The following ZNF302 variants were observed in gnomAD, a reference collection of about 807,000 sequenced individuals.
The protein encoded by ZNF302 is zinc finger protein 327.
A neutral mutation model predicts 10.8 loss-of-function variants in ZNF302; 12 were observed. The ratio of observed to expected loss-of-function variants is 1.11; its 90% CI spans 0.71 to 1.79. ZNF302 has a LOEUF of 1.79. Ranked by LOEUF, ZNF302 falls within the 40% of genes most tolerant of loss-of-function variation. The probability of loss-of-function intolerance (pLI) is 0.00; values close to 1 mark genes in which losing one functional copy is unlikely to be tolerated. For missense variants in ZNF302, 461 were observed against 471.1 expected (o/e 0.98, Z 0.20); for synonymous variants, 178 against 157.5 (o/e 1.13, Z -0.98).
At position 34,684,639 on chromosome 19, in the gene ZNF302, A is replaced by G. The variant is rs768072114; in HGVS notation, c.602A>G (p.Tyr201Cys). Residue 201 changes from tyrosine (Y) to cysteine (C), a missense_variant, in exon 5 of 5, where the codon TAT becomes TGT. Coordinates refer to ENST00000505242, the MANE Select transcript of ZNF302 (RefSeq NM_001289187.2). ...CAGACTTGTAATAGAGAGAAAATCT[A>G]TACATGCAGTGAATGTGGGAAAGCC... ...LPQTCNREKI[Y>C]TCSECGKAFG... The G allele has an allele frequency of 1.2e-6, 2 of 1,614,132 alleles. No homozygotes were observed. Among genetic ancestry groups the G allele is most frequent in the Non-Finnish European group, 1.7e-6 (2 of 1,179,946 alleles).
At position 34,684,357 on chromosome 19, in the gene ZNF302, A is replaced by G; in HGVS notation, c.320A>G (p.Tyr107Cys). 6.2e-7 allele frequency: 1 copy of G among 1,602,174 alleles called. No individual in the cohort carries two copies. The highest frequency in any genetic ancestry group is 8.5e-7 in the Non-Finnish European group (1 of 1,176,240). The change falls in exon 5 of 5, where the codon TAT becomes TGT. Residue 107 changes from tyrosine (Y) to cysteine (C), a missense_variant. Tyr to Cys is a radical substitution (Grantham distance 194, BLOSUM62 -2). Coordinates refer to ENST00000505242, the MANE Select transcript of ZNF302 (RefSeq NM_001289187.2). Reference protein sequence around the residue: ...VTMEKVVKQSYEFSNSNKNLE... With the variant: ...VTMEKVVKQSCEFSNSNKNLE... Reference sequence around the variant, plus strand: ...ATGGAAAAAGTTGTAAAACAAAGTTATGAATTTTCAAATTCTAATAAGAAT... The same window carrying G: ...ATGGAAAAAGTTGTAAAACAAAGTTGTGAATTTTCAAATTCTAATAAGAAT...
chr19:34,678,725 C>T lies in ZNF302; in HGVS notation c.-68-12C>T. The T allele has an allele frequency of 6.4e-7, 1 of 1,556,790 alleles. No homozygotes were observed. The highest frequency in any genetic ancestry group is 8.8e-7 in the Non-Finnish European group (1 of 1,133,174). ...TTCATGACTGCTTTTTCCTGCCTTT[C>T]TGTGCCCTCAGGACACTGCCCATCT... On this transcript the variant is annotated splice_polypyrimidine_tract_variant and intron_variant, in intron 1 of 4. Coordinates refer to ENST00000505242, the MANE Select transcript of ZNF302 (RefSeq NM_001289187.2).
chr19:34,678,862 T>C, intron 2 of ZNF302, 49 bp downstream of exon 2: 1 of 1,611,220 alleles, frequency 6.2e-7, no homozygotes, highest in Non-Finnish European at 8.5e-7. Flanking sequence ...ATTAGGCCTC[T>C]GTGTGTTTGC....
intron 3 of ZNF302, 75 bp downstream of exon 3, chr19:34,682,972 A>G (rs1196101884): frequency 5.6e-6 from 9 of 1,594,400 alleles, no homozygotes; most frequent in Admixed American, 1.8e-5. Flanking sequence ...AGATTCTCCT[A>G]AGTAAATGGC....
At position 34,678,821 on chromosome 19, in the gene ZNF302, G is replaced by A; in HGVS notation, c.9+8G>A. ...TGCAGAATAATGTCTCAGGTAAGTC[G>A]GTGTGTCCCCAAATCTTCCTGAAAC... On this transcript the variant is annotated splice_region_variant and intron_variant, in intron 2 of 4. Coordinates refer to ENST00000505242, the MANE Select transcript of ZNF302 (RefSeq NM_001289187.2). 1 of 1,613,788 alleles carries A rather than the reference G, an allele frequency of 6.2e-7. No individual in the cohort carries two copies. The highest frequency in any genetic ancestry group is 1.1e-5 in the South Asian group (1 of 91,078).
Position 34,685,190 on chromosome 19 carries a change from G to A in ZNF302, c.1153G>A (p.Val385Ile). The change falls in exon 5 of 5, where the codon GTT becomes ATT. Residue 385 changes from valine (V) to isoleucine (I), a missense_variant. Transcript: ENST00000505242. Reference sequence around the variant, plus strand: ...GGTCTTTAGTAGCTTCTCATTTCTTGTTCAACATCAGAGTATTCATACTGA... The same window carrying A: ...GGTCTTTAGTAGCTTCTCATTTCTTATTCAACATCAGAGTATTCATACTGA... ...LKVFSSFSFL[V>I]QHQSIHTEEK... The A allele has an allele frequency of 6.2e-7, 1 of 1,605,888 alleles. No homozygotes were observed.
chr19:34,683,422 A>G (rs1292922990), intron 4 of ZNF302, among the ~76,000 whole-genome samples, 184 bp downstream of exon 4: 7 of 152,246 alleles, frequency 4.6e-5, no homozygotes, highest in Non-Finnish European at 1.0e-4. Context: ...TATTATCTGT[A>G]TCACTCATGT....
intron 2 of ZNF302, among the ~76,000 whole-genome samples, chr19:34,681,082 C>A (rs2068317819): frequency 6.6e-6 from 1 of 152,096 alleles, no homozygotes; most frequent in African/African-American, 2.4e-5. Context: ...AAAGTAAATT[C>A]TGCCTTTAAA....
Position 34,683,190 on chromosome 19 carries a change from T to C in ZNF302, c.166T>C (p.Leu56=), listed in dbSNP as rs779789355. The change falls in exon 4 of 5, where the codon TTG becomes CTG. Residue 56 remains leucine, a synonymous_variant. Transcript: ENST00000505242. ...AACTAAGCCATATGTGATCATGTTA[T>C]TGGAGGATGGAAAAGAGCCCTGGAT... is the stretch of plus-strand genomic sequence containing the variant. ...SVTKPYVIML[L]EDGKEPWMME... The C allele has an allele frequency of 4.3e-6, 7 of 1,614,124 alleles. No individual in the cohort carries two copies. The highest frequency in any genetic ancestry group is 2.2e-5 in the South Asian group (2 of 91,076).
Position 34,684,971 on chromosome 19 carries a change from C to T in ZNF302, c.934C>T (p.Arg312Cys), listed in dbSNP as rs1265962129. 1.8e-5 allele frequency: 29 copies of T among 1,613,894 alleles called. No individual in the cohort carries two copies. The East Asian group carries it at 3.1e-4, about 17-fold the overall frequency. ...QHLRIHTQEK[R>C]YECRICGKAF... The stretch of plus-strand genomic sequence containing the variant: ...TCTAAGAATTCATACGCAAGAAAAA[C>T]GCTATGAGTGTCGTATATGTGGAAA... The change falls in exon 5 of 5, where the codon CGC (arginine) becomes TGC (cysteine). Residue 312 changes from arginine to cysteine, a missense_variant. Transcript: ENST00000505242.
intron 2 of ZNF302, 78 bp from the exon 3 acceptor site, chr19:34,682,699 G>C (rs1334737003): frequency 1.3e-5 from 21 of 1,582,990 alleles, no homozygotes; most frequent in East Asian, 2.2e-5. Context: ...TCTTCCACAA[G>C]CAGGCTAATT....
At chr19:34,682,727 A>T (rs372818036) in intron 2 of ZNF302, 50 bp from the exon 3 acceptor site, 8 of 1,602,058 alleles carry the variant, frequency 5.0e-6, no homozygotes, top group Non-Finnish European at 6.8e-6. Flanking sequence ...TTCTTCAGTG[A>T]CAGAAGAGGC....
chr19:34,683,112 G>C, intron 3 of ZNF302, 43 bp from the exon 4 acceptor site: 1 of 1,611,732 alleles, frequency 6.2e-7, no homozygotes, highest in Non-Finnish European at 8.5e-7. Flanking sequence ...TCTCATAATA[G>C]AGGACCACAG....
intron 2 of ZNF302, chr19:34,679,871 T>C: frequency 1.4e-6 from 1 of 703,016 alleles, no homozygotes; most frequent in Non-Finnish European, 2.6e-6. Flanking sequence ...GGATGCTTAG[T>C]AAGTAATTGT....
At position 34,678,764 on chromosome 19, in the gene ZNF302, C is replaced by G. The variant is rs772496871; in HGVS notation, c.-41C>G. 3 of 1,613,460 alleles carry G rather than the reference C, an allele frequency of 1.9e-6. No individual in the cohort carries two copies. Among genetic ancestry groups the G allele is most frequent in the Middle Eastern group, 3.3e-4 (2 of 6,062 alleles). ...CACTGCCCATCTCTAAGATAAGAACCTGGAAAGGGGACTCTGTTGGCCATT... is the reference window on the plus strand; with the variant it reads ...CACTGCCCATCTCTAAGATAAGAACGTGGAAAGGGGACTCTGTTGGCCATT... On this transcript the variant is annotated 5_prime_UTR_variant, in exon 2 of 5. Transcript: ENST00000505242.
chr19:34,677,513 C>G (rs1348630328), upstream of ZNF302: 2 of 152,360 alleles, frequency 1.3e-5, no homozygotes, highest in African/African-American at 4.8e-5. Flanking sequence ...GGTTAAGCTA[C>G]TTACAAAGCC....
At chr19:34,681,802 A>G (rs1279568173) in intron 2 of ZNF302, 3 of 152,234 alleles carry the variant, frequency 2.0e-5, no homozygotes, top group Non-Finnish European at 2.9e-5. Flanking sequence ...GATCTATGAC[A>G]TGAAACCATC....
At chr19:34,683,901 C>T in intron 4 of ZNF302, 1 of 1,090,184 alleles carries the variant, frequency 9.2e-7, no homozygotes, top group South Asian at 3.6e-5. Flanking sequence ...TGAATATAGG[C>T]ACAAAATGAT....
intron 2 of ZNF302, among the ~76,000 whole-genome samples, chr19:34,679,656 A>G (rs1182545341): frequency 2.0e-5 from 3 of 152,088 alleles, no homozygotes; most frequent in Admixed American, 1.3e-4. Context: ...CTGAAAGCCT[A>G]TTTGCAATTG....
Sources: gnomAD v4.1 joint callset for allele counts (sites outside exome capture counted in the v4.1 genomes callset) on GRCh38, gnomAD v4.1.1 for gene constraint, MANE v1.5 for transcripts, NCBI Gene and HGNC (gene_info 2026-07-23, HGNC 2026-07-21) for gene names.